The following PPP2R5E variants were observed in gnomAD, a reference collection of about 807,000 sequenced individuals.
PPP2R5E encodes the protein serine/threonine-protein phosphatase 2A 56 kDa regulatory subunit epsilon isoform.
PPP2R5E carries 4 observed loss-of-function variants against 65.3 expected under a neutral mutation model. The ratio of observed to expected loss-of-function variants is 0.06; its 90% CI spans 0.03 to 0.14. The LOEUF (loss-of-function observed/expected upper bound fraction) is 0.14, where lower values mean the gene tolerates loss of function less well. Among genes scored for constraint, PPP2R5E ranks in the 10% least tolerant of loss-of-function variants. PPP2R5E has a pLI of 1.00. For synonymous variants in PPP2R5E, 183 were observed against 187.4 expected (o/e 0.98, Z 0.19); for missense variants, 274 against 556.1 (o/e 0.49, Z 5.10).
chr14:63,416,465 A>T (rs182144186), intron 4 of PPP2R5E, among the ~76,000 whole-genome samples: 392 of 152,318 alleles, frequency 2.6e-3, no homozygotes, highest in Non-Finnish European at 3.7e-3. Flanking sequence ...AAATACACAC[A>T]TAAAGCCCTC....
chr14:63,398,550 T>C (rs999191100), intron 5 of PPP2R5E, among the ~76,000 whole-genome samples: 1 of 152,224 alleles, frequency 6.6e-6, no homozygotes, highest in Admixed American at 6.5e-5. Flanking sequence ...CCTAGCACTT[T>C]TGGAGGCCGA....
chr14:63,485,368 A>T (rs1890931890), intron 2 of PPP2R5E, among the ~76,000 whole-genome samples: 2 of 152,170 alleles, frequency 1.3e-5, no homozygotes, highest in Non-Finnish European at 2.9e-5. Flanking sequence ...CCTCCAGAGT[A>T]ACTGGGACTA....
chr14:63,476,774 T>C (rs1177035569), intron 2 of PPP2R5E, among the ~76,000 whole-genome samples: 1 of 152,166 alleles, frequency 6.6e-6, no homozygotes, highest in Non-Finnish European at 1.5e-5. Context: ...TTAGTAATCA[T>C]AAAATCATCT....
chr14:63,494,996 G>A (rs1263950480), intron 2 of PPP2R5E, among the ~76,000 whole-genome samples: 1 of 151,964 alleles, frequency 6.6e-6, no homozygotes, highest in Admixed American at 6.6e-5. Context: ...TGGATGTCAG[G>A]AGTTGGAGAC....
chr14:63,382,418 T>G (rs1422407146), intron 12 of PPP2R5E, among the ~76,000 whole-genome samples: 4 of 151,754 alleles, frequency 2.6e-5, no homozygotes, highest in Admixed American at 1.3e-4. Context: ...TTTTTTTTTT[T>G]GCAACGGAGT....
intron 2 of PPP2R5E, among the ~76,000 whole-genome samples, chr14:63,465,244 T>C (rs925041918): frequency 6.6e-6 from 1 of 152,118 alleles, no homozygotes; most frequent in African/African-American, 2.4e-5. Flanking sequence ...GAAATACTTA[T>C]ATTTGCTATT....
chr14:63,466,794 T>C (rs1440780809), intron 2 of PPP2R5E, among the ~76,000 whole-genome samples: 4 of 149,270 alleles, frequency 2.7e-5, no homozygotes, highest in South Asian at 2.1e-4. Flanking sequence ...CATACATATG[T>C]GTATGTATGT....
At chr14:63,389,209 A>T (rs1018100896) in intron 11 of PPP2R5E, among the ~76,000 whole-genome samples, 11 of 151,918 alleles carry the variant, frequency 7.2e-5, no homozygotes, top group African/African-American at 2.4e-4. Flanking sequence ...AGTATCTAGC[A>T]TAGTAAGGAA....
intron 2 of PPP2R5E, among the ~76,000 whole-genome samples, chr14:63,474,515 G>A (rs1228742843): frequency 6.6e-6 from 1 of 151,624 alleles, no homozygotes. Context: ...AGATAGAAAT[G>A]TGGGCACCTC....
intron 3 of PPP2R5E, among the ~76,000 whole-genome samples, chr14:63,429,952 G>A (rs993091966): frequency 1.3e-5 from 2 of 152,036 alleles, no homozygotes; most frequent in Admixed American, 6.5e-5. Flanking sequence ...CCAAAGTGCC[G>A]GGATTACAGG....
intron 2 of PPP2R5E, among the ~76,000 whole-genome samples, chr14:63,501,130 T>C (rs566550604): frequency 1.3e-5 from 2 of 152,254 alleles, no homozygotes; most frequent in Admixed American, 6.5e-5. Context: ...CCGGGCGCAG[T>C]GGCTCATGCC....
In PPP2R5E at chr14:63,382,257, G is replaced by C. The variant is rs146320785; in HGVS notation, c.1203-100C>G. The C allele has an allele frequency of 1.2e-3, 921 of 774,296 alleles. 4 individuals are homozygous for C. Among genetic ancestry groups the C allele is most frequent in the Admixed American group, 1.3e-3 (56 of 44,288 alleles). 48.0% of individuals were successfully genotyped at this position (774,296 alleles called of 1,614,324 possible). On this transcript the variant is annotated intron_variant, in intron 12 of 13. Coordinates refer to ENST00000337537, the MANE Select transcript of PPP2R5E (RefSeq NM_006246.5). ...ACAACTTTTGTCTGAATGATTTCTC[G>C]TACTGCACACTGTCTGTATCCTTTT...
intron 3 of PPP2R5E, among the ~76,000 whole-genome samples, chr14:63,444,618 GAT>G (rs982710802): frequency 3.3e-5 from 5 of 151,402 alleles, no homozygotes; most frequent in Admixed American, 3.3e-4. Flanking sequence ...AAAAAAAAAA[GAT>G]GTGCAAATAT....
chr14:63,388,697 T>A (rs1014409568), intron 11 of PPP2R5E, among the ~76,000 whole-genome samples: 1 of 152,214 alleles, frequency 6.6e-6, no homozygotes, highest in Non-Finnish European at 1.5e-5. Flanking sequence ...TATTAACATG[T>A]CTTTTGGTCA....
intron 2 of PPP2R5E, among the ~76,000 whole-genome samples, chr14:63,484,380 CACACACAA>C (rs1390649899): frequency 6.6e-6 from 1 of 151,176 alleles, no homozygotes; most frequent in African/African-American, 2.4e-5. Context: ...CACACACACA[CACACACAA>C]AGAATCGTAT....
chr14:63,407,906 G>C (rs933294948), intron 5 of PPP2R5E, among the ~76,000 whole-genome samples: 1 of 152,196 alleles, frequency 6.6e-6, no homozygotes, highest in South Asian at 2.1e-4. Context: ...TTAGATGCCA[G>C]CACCTCGATC....
At chr14:63,540,885 A>G (rs1893873860) in intron 1 of PPP2R5E, among the ~76,000 whole-genome samples, 1 of 152,262 alleles carries the variant, frequency 6.6e-6, no homozygotes, top group African/African-American at 2.4e-5. Context: ...CTAGGCTTAA[A>G]GAAATCTATG....
At chr14:63,488,447 C>T (rs1209380422) in intron 2 of PPP2R5E, among the ~76,000 whole-genome samples, 3 of 152,150 alleles carry the variant, frequency 2.0e-5, no homozygotes, top group Non-Finnish European at 4.4e-5. Flanking sequence ...AAGCAATCCT[C>T]CCACTTTGGC....
chr14:63,430,560 T>C (rs1242620972), intron 3 of PPP2R5E, among the ~76,000 whole-genome samples: 2 of 152,158 alleles, frequency 1.3e-5, no homozygotes, highest in African/African-American at 4.8e-5. Flanking sequence ...ATGGTCTCAA[T>C]AATAAAGAAC....
Sources: allele counts gnomAD v4.1 joint callset (sites outside exome capture counted in the v4.1 genomes callset), GRCh38; gene constraint gnomAD v4.1.1; transcripts MANE v1.5; gene names NCBI Gene and HGNC (gene_info 2026-07-23, HGNC 2026-07-21).